The following DOK3 variants were observed in gnomAD, a reference collection of about 807,000 sequenced individuals.
The protein encoded by DOK3 is Dok-like protein.
DOK3 carries 23 observed loss-of-function variants against 26.2 expected under a neutral mutation model. The ratio of observed to expected loss-of-function variants is 0.88; its 90% confidence interval spans 0.63 to 1.24. The LOEUF (loss-of-function observed/expected upper bound fraction) is 1.24. Ranked by LOEUF, DOK3 falls within the 50% of genes most tolerant of loss-of-function variation. The pLI is 0.00. For missense variants in DOK3, 619 were observed against 610.6 expected (o/e 1.01, Z -0.15); for synonymous variants, 268 against 268.2 (o/e 1.00, Z 0.01).
chr5:177,502,921 G>C lies in DOK3; in HGVS notation c.*1062C>G, dbSNP rs1402592693. ...AGCCAGAAAAGGGTCCCTGCAGGTC[G>C]ACATGCCTAGGCAGGGGCGGTACTG... On this transcript the variant is annotated 3_prime_UTR_variant, in exon 6 of 6. Coordinates refer to ENST00000510898, the MANE Select transcript of DOK3 (RefSeq NM_001308236.3). 2.3e-6 allele frequency: 2 copies of C among 854,040 alleles called. No homozygotes were observed. The highest frequency in any genetic ancestry group is 3.5e-6 in the Non-Finnish European group (2 of 563,820). The allele number at this position is 854,040 out of a possible 1,614,324, so 52.9% of individuals were successfully genotyped here.
rs771532975 is a variant in DOK3 at position 177,504,500 on chromosome 5, A to G, written c.806T>C (p.Leu269Pro). The change falls in exon 6 of 6, where the codon CTG becomes CCG. Residue 269 changes from leucine to proline, a missense_variant. By Grantham distance (98) the Leu-to-Pro change is moderately conservative. Transcript: ENST00000510898. ...PELTRPQPCP[L>P]PRATSLPSLD... is the part of the protein sequence containing the mutation. ...GGAGGGCAGAGAGGTGGCCCGTGGCAGGGGGCAGGGCTGGGGCCTGGTCAG... is the reference window on the plus strand; with the variant it reads ...GGAGGGCAGAGAGGTGGCCCGTGGCGGGGGGCAGGGCTGGGGCCTGGTCAG... 4 of 1,584,486 alleles carry G rather than the reference A, an allele frequency of 2.5e-6. No individual in the cohort carries two copies. The highest frequency in any genetic ancestry group is 3.4e-6 in the Non-Finnish European group (4 of 1,168,754).
rs886368093 is a variant in DOK3, at chr5:177,503,759, T to A, written c.*224A>T. ...CGTGGGCAGGGGCGTGTGCCGTGAG[T>A]GCCCCTGCCGGGAGCTGCTCTGAGC... On this transcript the variant is annotated 3_prime_UTR_variant, in exon 6 of 6. Transcript: ENST00000510898. 5 of 1,417,050 alleles carry A rather than the reference T, an allele frequency of 3.5e-6. No individual in the cohort carries two copies. Among genetic ancestry groups the A allele is most frequent in the Non-Finnish European group, 4.6e-6 (5 of 1,091,078 alleles). 87.8% of individuals were successfully genotyped at this position (1,417,050 alleles called of 1,614,324 possible).
chr5:177,510,055 C>T (rs1760799691), upstream of DOK3: 4 of 697,880 alleles, frequency 5.7e-6, no homozygotes, highest in African/African-American at 3.6e-5. Flanking sequence ...CTCTCCACCT[C>T]ACGAGCCACT....
At chr5:177,509,881 C>CGT (rs1414903626), upstream of DOK3, 3 of 1,607,638 alleles carry the variant, frequency 1.9e-6, no homozygotes, top group African/African-American at 4.0e-5. Flanking sequence ...CGTCCCGCCC[C>CGT]GGGCAGCTGC....
rs563416986 is a variant in DOK3 at position 177,505,492 on chromosome 5, G to A, written c.373-382C>T. ...GCCACCTGCTATGACCCTGCAAGGT[G>A]CCCCCAATCTCTGCCTCATCCCCAC... On this transcript the variant is annotated intron_variant, in intron 3 of 5. Transcript: ENST00000510898. 2.0e-5 allele frequency among the ~76,000 whole-genome samples: 3 copies of A among 152,212 alleles called. No individual in the cohort carries two copies. The South Asian group carries it at 6.2e-4, about 32-fold the overall frequency.
upstream of DOK3, chr5:177,510,820 T>C (rs1486016518): frequency 2.0e-5 from 3 of 152,246 alleles, no homozygotes; most frequent in Admixed American, 6.5e-5. Context: ...GTGACAAATA[T>C]GGCTTGAGCA....
Position 177,504,400 on chromosome 5 carries a change from G to C in DOK3, c.906C>G (p.Ala302=). 6.4e-7 allele frequency: 1 copy of C among 1,566,084 alleles called. No individual in the cohort carries two copies. Among genetic ancestry groups the C allele is most frequent in the Non-Finnish European group, 8.7e-7 (1 of 1,155,736 alleles). Residue 302 remains alanine, a synonymous_variant, in exon 6 of 6, where the codon GCC becomes GCG. Transcript: ENST00000510898. The part of the protein sequence containing the change: ...EPPTSRKMHL[A]EPGPQSLPLL... Reference sequence around the variant, plus strand: ...GCGGCAGGCTCTGGGGTCCGGGCTCGGCCAGGTGCATTTTCCTGGACGTGG... The same window carrying C: ...GCGGCAGGCTCTGGGGTCCGGGCTCCGCCAGGTGCATTTTCCTGGACGTGG...
Position 177,508,432 on chromosome 5 carries a change from C to A in DOK3, c.177G>T (p.Arg59Ser). ...RDGGLGAAGD[R>S]SAGPGRRGER... ...CCCCTCGCCGGCCAGGCCCTGCCGA[C>A]CTGTCACCCGCTGCTCCCAGGCCAC... The change falls in exon 3 of 6, where the codon AGG becomes AGT. Residue 59 changes from arginine to serine, a missense_variant. Transcript: ENST00000510898. 1 of 1,600,710 alleles carries A rather than the reference C, an allele frequency of 6.2e-7. No homozygotes were observed. The highest frequency in any genetic ancestry group is 1.1e-5 in the South Asian group (1 of 89,380).
chr5:177,509,346 G>T, intron 2 of DOK3, 129 bp downstream of exon 2: 1 of 1,254,982 alleles, frequency 8.0e-7, no homozygotes, highest in Non-Finnish European at 1.1e-6. Flanking sequence ...ATACCTGGGT[G>T]GGATCCTCCA....
chr5:177,508,234 C>T lies in DOK3; in HGVS notation c.372+3G>A. ...CAATCGCCCCCCTGCTCGCCGCACT[C>T]ACCGGGAAGGCCAGCTGGCAGATGG... On this transcript the variant is annotated splice_donor_region_variant and intron_variant, in intron 3 of 5. Transcript: ENST00000510898. The T allele has an allele frequency of 6.7e-7, 1 of 1,486,838 alleles. No homozygotes were observed. The highest frequency in any genetic ancestry group is 9.0e-7 in the Non-Finnish European group (1 of 1,113,698). The allele number at this position is 1,486,838 out of a possible 1,614,324, so 92.1% of individuals were successfully genotyped here.
chr5:177,509,561 C>A lies in DOK3; in HGVS notation c.-21G>T. ...TCCATGGTCACGGCCAGGAGCAGGG[C>A]CGCCGCTTCAAGACCTGGGGAGACT... On this transcript the variant is annotated 5_prime_UTR_variant, in exon 2 of 6. Transcript: ENST00000510898. The A allele has an allele frequency of 1.2e-6, 2 of 1,609,690 alleles. No homozygotes were observed. The highest frequency in any genetic ancestry group is 1.1e-5 in the South Asian group (1 of 90,460).
rs957248196 is a variant in DOK3, at chr5:177,502,710, TAAG to T, written c.*1270_*1272del. The T allele has an allele frequency of 3.4e-6, 1 of 293,050 alleles. No individual in the cohort carries two copies. The highest frequency in any genetic ancestry group is 2.1e-5 in the African/African-American group (1 of 46,778). The allele number at this position is 293,050 out of a possible 1,614,324, so 18.2% of individuals were successfully genotyped here. ...GCAGGGAGTGCCTGCCTTGCACTGT[TAAG>T]AAGGATGCAGGCAGTCTGCTTAAAT... On this transcript the variant is annotated 3_prime_UTR_variant, in exon 6 of 6. Coordinates refer to ENST00000510898, the MANE Select transcript of DOK3 (RefSeq NM_001308236.3).
chr5:177,504,231 G>T lies in DOK3; in HGVS notation c.1075C>A (p.Pro359Thr), dbSNP rs1279429650. ...EASPTLHGGE[P>T]EPHEGPGSRS... Reference sequence around the variant, plus strand: ...CTGCCGGGGCCCTCGTGCGGCTCAGGTTCCCCACCGTGCAGCGTGGGGCTG... The same window carrying T: ...CTGCCGGGGCCCTCGTGCGGCTCAGTTTCCCCACCGTGCAGCGTGGGGCTG... The change falls in exon 6 of 6, where the codon CCT becomes ACT. Residue 359 changes from proline to threonine, a missense_variant. Transcript: ENST00000510898. The T allele has an allele frequency of 2.5e-6, 4 of 1,611,788 alleles. No individual in the cohort carries two copies. The highest frequency in any genetic ancestry group is 3.4e-6 in the Non-Finnish European group (4 of 1,179,050).
chr5:177,504,530 G>A lies in DOK3; in HGVS notation c.776C>T (p.Pro259Leu), dbSNP rs1442800142. The A allele has an allele frequency of 6.3e-7, 1 of 1,590,198 alleles. No individual in the cohort carries two copies. The highest frequency in any genetic ancestry group is 8.5e-7 in the Non-Finnish European group (1 of 1,171,706). ...GAIARQRERL[P>L]ELTRPQPCPL... ...GCAGGGCTGGGGCCTGGTCAGCTCTGGCAGCCGCTCCCGCTGGCGGGCGAT... is the reference window on the plus strand; with the variant it reads ...GCAGGGCTGGGGCCTGGTCAGCTCTAGCAGCCGCTCCCGCTGGCGGGCGAT... The change falls in exon 6 of 6, where the codon CCA (proline) becomes CTA (leucine). Residue 259 changes from proline to leucine, a missense_variant. Coordinates refer to ENST00000510898, the MANE Select transcript of DOK3 (RefSeq NM_001308236.3).
rs765955195 is a variant in DOK3 at position 177,505,048 on chromosome 5, G to A, written c.435C>T (p.Pro145=). The A allele has an allele frequency of 3.7e-6, 6 of 1,612,146 alleles. No individual in the cohort carries two copies. The South Asian group carries it at 5.5e-5, about 15-fold the overall frequency. The change falls in exon 4 of 6, where the codon CCC becomes CCT. Residue 145 remains proline, a synonymous_variant. Coordinates refer to ENST00000510898, the MANE Select transcript of DOK3 (RefSeq NM_001308236.3). Reference sequence around the variant, plus strand: ...AGGAGTAGATGGAGTTTTCCTCCATGGGGACCAGGCCCCTCTTGGGAGACT... The same window carrying A: ...AGGAGTAGATGGAGTTTTCCTCCATAGGGACCAGGCCCCTCTTGGGAGACT... ...DAQSPKRGLV[P]MEENSIYSSW...
chr5:177,510,201 GGGACCTGTGTGTTCT>G (rs1760819910), upstream of DOK3: 1 of 422,626 alleles, frequency 2.4e-6, no homozygotes, highest in Admixed American at 3.8e-5. Context: ...CCAACACTCA[GGGACCTGTGTGTTCT>G]GGCCTGCATC....
chr5:177,503,510 C>T lies in DOK3; in HGVS notation c.*473G>A. ...CTCCCAGCTCGGGCCTCCGGGTCTCCAGTTGGGCCCTCATGTTGCTCCTTC... is the reference window on the plus strand; with the variant it reads ...CTCCCAGCTCGGGCCTCCGGGTCTCTAGTTGGGCCCTCATGTTGCTCCTTC... On this transcript the variant is annotated 3_prime_UTR_variant, in exon 6 of 6. Coordinates refer to ENST00000510898, the MANE Select transcript of DOK3 (RefSeq NM_001308236.3). The T allele has an allele frequency of 7.0e-7, 1 of 1,437,738 alleles. No individual in the cohort carries two copies. Among genetic ancestry groups the T allele is most frequent in the Non-Finnish European group, 9.1e-7 (1 of 1,097,190 alleles). 89.1% of individuals were successfully genotyped at this position (1,437,738 alleles called of 1,614,324 possible).
At position 177,503,236 on chromosome 5, in the gene DOK3, G is replaced by A. The variant is rs1435968723; in HGVS notation, c.*747C>T. ...TCCCCCTGGAATGTCGGCTCCCGGA[G>A]AACAGGACCAAGGCTGTCCTGAACA... On this transcript the variant is annotated 3_prime_UTR_variant, in exon 6 of 6. Coordinates refer to ENST00000510898, the MANE Select transcript of DOK3 (RefSeq NM_001308236.3). The A allele has an allele frequency of 1.3e-6, 2 of 1,551,418 alleles. No homozygotes were observed. The highest frequency in any genetic ancestry group is 1.4e-5 in the African/African-American group (1 of 73,026).
rs1031656624 is a variant in DOK3 at position 177,501,998 on chromosome 5, G to C, written c.*1985C>G. The C allele has an allele frequency of 6.6e-6, 1 of 152,224 alleles. No homozygotes were observed. The highest frequency in any genetic ancestry group is 2.4e-5 in the African/African-American group (1 of 41,444). 9.4% of individuals were successfully genotyped at this position (152,224 alleles called of 1,614,324 possible). A position where few individuals can be genotyped will look rare whatever the true frequency, so the allele number is the denominator to read the frequency against. On this transcript the variant is annotated 3_prime_UTR_variant, in exon 6 of 6. Coordinates refer to ENST00000510898, the MANE Select transcript of DOK3 (RefSeq NM_001308236.3). ...TTTCAGGAGATTCTTTGTGTAGCAG[G>C]GTTGAGCTACACTACATCTGAGCCT... is the stretch of plus-strand genomic sequence containing the variant.
Sources: allele counts gnomAD v4.1 joint callset (sites outside exome capture counted in the v4.1 genomes callset), GRCh38; gene constraint gnomAD v4.1.1; transcripts MANE v1.5; gene names NCBI Gene and HGNC (gene_info 2026-07-23, HGNC 2026-07-21).